Variants in SKA2 observed in about 807,000 individuals in gnomAD.
SKA2 encodes the protein spindle and kinetochore associated complex subunit 2.
In SKA2, 13 loss-of-function variants were observed where a neutral mutation model predicts 16.9. That is an observed-to-expected ratio of 0.77 (90% CI 0.50 to 1.22). The LOEUF is 1.22. Among genes scored for constraint, SKA2 ranks in the 50% most tolerant of loss-of-function variants. The pLI, the probability that SKA2 is intolerant of heterozygous loss-of-function variation, is 0.00. For synonymous variants in SKA2, 47 were observed against 48.5 expected (o/e 0.97, Z 0.13); for missense variants, 107 against 139.7 (o/e 0.77, Z 1.18).
At chr17:59,128,468 A>G (rs1031214119) in intron 2 of SKA2, among the ~76,000 whole-genome samples, 2 of 152,076 alleles carry the variant, frequency 1.3e-5, no homozygotes, top group Non-Finnish European at 1.5e-5. Flanking sequence ...CTACTAAAAA[A>G]TACAAAAATT....
intron 1 of SKA2, chr17:59,154,916 C>T (rs747499200): frequency 1.9e-6 from 3 of 1,604,886 alleles, no homozygotes; most frequent in East Asian, 4.5e-5. Flanking sequence ...CAGCATCTCC[C>T]GCCATTTCCC....
At chr17:59,143,021 G>C (rs1412149975) in intron 1 of SKA2, among the ~76,000 whole-genome samples, 1 of 149,310 alleles carries the variant, frequency 6.7e-6, no homozygotes, top group Non-Finnish European at 1.5e-5. Flanking sequence ...CAATCCTCCT[G>C]CCTCAGCCTC....
At chr17:59,141,499 G>A (rs1408899169) in intron 1 of SKA2, among the ~76,000 whole-genome samples, 1 of 152,084 alleles carries the variant, frequency 6.6e-6, no homozygotes, top group East Asian at 1.9e-4. Flanking sequence ...GCCGAGGCAG[G>A]TAGATCACTT....
chr17:59,121,303 G>A (rs1288482103), intron 2 of SKA2, among the ~76,000 whole-genome samples: 1 of 151,934 alleles, frequency 6.6e-6, no homozygotes, highest in African/African-American at 2.4e-5. Flanking sequence ...ACCAAAGAGT[G>A]AAACATATGA....
At chr17:59,144,289 G>A (rs891568797) in intron 1 of SKA2, among the ~76,000 whole-genome samples, 2 of 151,968 alleles carry the variant, frequency 1.3e-5, no homozygotes, top group African/African-American at 4.8e-5. Context: ...TGGAGAAACT[G>A]GAACCCTTGT....
intron 1 of SKA2, among the ~76,000 whole-genome samples, chr17:59,132,491 C>G (rs1228832093): frequency 6.6e-6 from 1 of 152,188 alleles, no homozygotes; most frequent in Non-Finnish European, 1.5e-5. Context: ...TGGCAAAACC[C>G]CATCTCTACT....
chr17:59,143,858 G>A (rs531674047), intron 1 of SKA2, among the ~76,000 whole-genome samples: 2 of 152,010 alleles, frequency 1.3e-5, no homozygotes, highest in South Asian at 2.1e-4. Flanking sequence ...AATTTAAAAT[G>A]ATTAAAAATG....
intron 1 of SKA2, among the ~76,000 whole-genome samples, chr17:59,144,065 A>G (rs2046512866): frequency 6.6e-6 from 1 of 152,026 alleles, no homozygotes; most frequent in African/African-American, 2.4e-5. Flanking sequence ...CTGAGTCAGG[A>G]GAATCGCTTG....
intron 3 of SKA2, among the ~76,000 whole-genome samples, chr17:59,118,565 G>T (rs2046311979): frequency 6.6e-6 from 1 of 151,464 alleles, no homozygotes; most frequent in Non-Finnish European, 1.5e-5. Flanking sequence ...GATTTGAGAT[G>T]ATTTATAAAA....
At chr17:59,145,524 T>G (rs549114871) in intron 1 of SKA2, among the ~76,000 whole-genome samples, 1 of 152,270 alleles carries the variant, frequency 6.6e-6, no homozygotes, top group East Asian at 1.9e-4. Context: ...CCAGGTTAGT[T>G]TCCTCTTTCC....
At chr17:59,149,799 A>G (rs1445562042) in intron 1 of SKA2, among the ~76,000 whole-genome samples, 2 of 152,212 alleles carry the variant, frequency 1.3e-5, no homozygotes, top group African/African-American at 4.8e-5. Context: ...AAGACTGTAT[A>G]ATGTATGATT....
chr17:59,120,389 C>T (rs930185318), intron 2 of SKA2, among the ~76,000 whole-genome samples: 3 of 152,056 alleles, frequency 2.0e-5, no homozygotes, highest in African/African-American at 7.2e-5. Flanking sequence ...TGGACCCCTT[C>T]TGCCACTTGG....
intron 2 of SKA2, among the ~76,000 whole-genome samples, chr17:59,124,004 A>G (rs928289641): frequency 6.6e-6 from 1 of 152,226 alleles, no homozygotes; most frequent in Non-Finnish European, 1.5e-5. Flanking sequence ...AAAACTATTT[A>G]GAAATATAAA....
rs777321085 is a variant in SKA2, at chr17:59,119,352, C to T, written c.264G>A (p.Met88Ile). The change falls in exon 3 of 4, where the codon ATG becomes ATA. Residue 88 changes from methionine (M) to isoleucine (I), a missense_variant. Met to Ile is a conservative substitution (Grantham distance 10). Transcript: ENST00000330137. ...ICATVKKTMN[M>I]IQKLQKQTDL... ...CTGTTTGCTTCTGTAGTTTTTGTAT[C>T]ATATTCATAGTCTTTTTCACAGTAG... 12 of 1,613,902 alleles carry T rather than the reference C, an allele frequency of 7.4e-6. No homozygotes were observed. Among genetic ancestry groups the T allele is most frequent in the Non-Finnish European group, 1.0e-5 (12 of 1,179,848 alleles).
intron 1 of SKA2, among the ~76,000 whole-genome samples, chr17:59,154,688 A>C (rs1008739101): frequency 6.6e-6 from 1 of 152,106 alleles, no homozygotes; most frequent in Non-Finnish European, 1.5e-5. Context: ...TTGGCCCTAC[A>C]GGGATTTCTC....
At chr17:59,134,831 A>T (rs973842030) in intron 1 of SKA2, among the ~76,000 whole-genome samples, 4 of 151,828 alleles carry the variant, frequency 2.6e-5, no homozygotes, top group African/African-American at 4.8e-5. Flanking sequence ...TCATATATAT[A>T]TTTTTGTCAT....
intron 1 of SKA2, chr17:59,151,163 A>T: frequency 2.0e-6 from 1 of 511,656 alleles, no homozygotes; most frequent in Non-Finnish European, 4.1e-6. Context: ...TGACAATACT[A>T]TTGCACTGCT....
At chr17:59,126,240 T>A (rs2046372061) in intron 2 of SKA2, among the ~76,000 whole-genome samples, 1 of 151,990 alleles carries the variant, frequency 6.6e-6, no homozygotes. Context: ...CAAATAAAGT[T>A]GAAGAATATA....
intron 1 of SKA2, among the ~76,000 whole-genome samples, chr17:59,149,091 C>G (rs1364832958): frequency 6.6e-6 from 1 of 152,164 alleles, no homozygotes; most frequent in African/African-American, 2.4e-5. Context: ...AGTACAGCCA[C>G]TTTGAAAAAT....
Sources: gnomAD v4.1 joint callset for allele counts (sites outside exome capture counted in the v4.1 genomes callset) on GRCh38, gnomAD v4.1.1 for gene constraint, MANE v1.5 for transcripts, NCBI Gene and HGNC (gene_info 2026-07-23, HGNC 2026-07-21) for gene names.